Variants in NEBL observed in about 807,000 individuals in gnomAD.
NEBL encodes LIM and SH3 protein 2.
A neutral mutation model predicts 140.2 loss-of-function variants in NEBL; 122 were observed. The observed-to-expected ratio is 0.87, with a 90% confidence interval of 0.75 to 1.01. NEBL has a LOEUF of 1.01. Ranked by LOEUF, NEBL falls within the 50% of genes least tolerant of loss-of-function variation. The pLI is 0.00. For missense variants in NEBL, 1,365 were observed against 1,231.3 expected (o/e 1.11, Z -1.62); for synonymous variants, 436 against 398.9 (o/e 1.09, Z -1.11).
chr10:20,996,321 C>T (rs1307088170), intron 3 of NEBL, among the ~76,000 whole-genome samples: 1 of 152,170 alleles, frequency 6.6e-6, no homozygotes, highest in East Asian at 1.9e-4. Context: ...ATTGCCATCC[C>T]ACTCCCAAAT....
chr10:21,140,743 G>C (rs983421931), intron 2 of NEBL, among the ~76,000 whole-genome samples: 3 of 151,900 alleles, frequency 2.0e-5, no homozygotes, highest in East Asian at 1.9e-4. Flanking sequence ...AATTACAATG[G>C]GAACACATGG....
chr10:21,000,806 T>C lies in NEBL; in HGVS notation c.249+19311A>G, dbSNP rs768811755. Among the ~76,000 whole-genome samples, 7 of 151,978 alleles carry C rather than the reference T, an allele frequency of 4.6e-5. No homozygotes were observed. The South Asian group carries it at 1.5e-3, about 32-fold the overall frequency. On this transcript the variant is annotated intron_variant, in intron 3 of 6. Coordinates refer to the NEBL transcript ENST00000417816. Reference sequence around the variant, plus strand: ...TCTGGATGCTCTGCTGTTTTTGCAGTCTAAGATATGGAAGAAAGCTGATTC... The same window carrying C: ...TCTGGATGCTCTGCTGTTTTTGCAGCCTAAGATATGGAAGAAAGCTGATTC...
chr10:21,133,655 G>A (rs1271324899), intron 2 of NEBL, among the ~76,000 whole-genome samples: 2 of 152,186 alleles, frequency 1.3e-5, no homozygotes, highest in African/African-American at 4.8e-5. Context: ...TGAACACCCA[G>A]TACATATTAG....
chr10:21,063,724 G>C (rs1835400899), intron 2 of NEBL, among the ~76,000 whole-genome samples: 1 of 151,990 alleles, frequency 6.6e-6, no homozygotes, highest in Non-Finnish European at 1.5e-5. Flanking sequence ...TGAAACCCCA[G>C]TTCTACAAAA....
At chr10:21,147,707 G>A (rs930840007) in intron 2 of NEBL, among the ~76,000 whole-genome samples, 2 of 152,118 alleles carry the variant, frequency 1.3e-5, no homozygotes, top group African/African-American at 2.4e-5. Context: ...TCCACCAAGC[G>A]AGCACCTGTC....
chr10:20,868,053 A>T (rs80332707), intron 7 of NEBL: 4 of 44,674 alleles, frequency 9.0e-5, no homozygotes, highest in African/African-American at 6.4e-4. Flanking sequence ...TATCTATATT[A>T]AAAAAAAAAA....
intron 2 of NEBL, among the ~76,000 whole-genome samples, chr10:21,054,694 A>C (rs2131861152): frequency 6.6e-6 from 1 of 152,338 alleles, no homozygotes; most frequent in African/African-American, 2.4e-5. Flanking sequence ...ATTTTGAAAA[A>C]CTTATGAAAA....
chr10:20,845,878 G>A (rs1282484007), intron 11 of NEBL, among the ~76,000 whole-genome samples: 1 of 152,064 alleles, frequency 6.6e-6, no homozygotes, highest in African/African-American at 2.4e-5. Flanking sequence ...TTAGGGAGGG[G>A]GTTTCCCTTT....
At chr10:20,836,505 G>A (rs1840904469) in intron 13 of NEBL, among the ~76,000 whole-genome samples, 1 of 152,156 alleles carries the variant, frequency 6.6e-6, no homozygotes, top group Admixed American at 6.5e-5. Context: ...TTACAGGTGT[G>A]AGCCACCGCA....
chr10:20,992,580 G>A (rs1837501101), intron 3 of NEBL, among the ~76,000 whole-genome samples: 1 of 152,012 alleles, frequency 6.6e-6, no homozygotes, highest in South Asian at 2.1e-4. Flanking sequence ...AGATTTAATA[G>A]GGTCCTTGCT....
chr10:21,054,498 A>C (rs694004), intron 2 of NEBL, among the ~76,000 whole-genome samples: 59,811 of 151,636 alleles, frequency 0.39, 11,830 homozygotes, highest in Middle Eastern at 0.47. Flanking sequence ...GGCATCGGGG[A>C]ATTGTTTTTG....
intron 3 of NEBL, among the ~76,000 whole-genome samples, chr10:21,192,014 G>C (rs1191808569): frequency 6.6e-6 from 1 of 152,090 alleles, no homozygotes; most frequent in East Asian, 1.9e-4. Context: ...TCTCAAAGGG[G>C]TCCCAAGGTT....
At chr10:20,849,462 G>A (rs1043640421) in intron 11 of NEBL, among the ~76,000 whole-genome samples, 3 of 152,172 alleles carry the variant, frequency 2.0e-5, no homozygotes, top group African/African-American at 7.2e-5. Context: ...TCTAAGAGGT[G>A]ATCAGGCCAT....
intron 1 of NEBL, among the ~76,000 whole-genome samples, chr10:21,279,856 C>T (rs140070717): frequency 6.6e-6 from 1 of 152,168 alleles, no homozygotes; most frequent in East Asian, 1.9e-4. Flanking sequence ...TTGCTGCCAC[C>T]TGGTTCATAT....
intron 3 of NEBL, among the ~76,000 whole-genome samples, chr10:21,007,590 A>G (rs599087): frequency 0.096 from 14,679 of 152,246 alleles, 1,165 homozygotes; most frequent in Admixed American, 0.24. Flanking sequence ...AATATCATCC[A>G]GGCGATTGCT....
At chr10:21,194,544 A>T (rs1841620416) in intron 3 of NEBL, among the ~76,000 whole-genome samples, 1 of 152,190 alleles carries the variant, frequency 6.6e-6, no homozygotes, top group African/African-American at 2.4e-5. Context: ...TGAGAAATAC[A>T]GTGTACTCAC....
At chr10:20,809,949 G>GC in intron 24 of NEBL, 51 bp from the exon 25 acceptor site, 9 of 586,446 alleles carry the variant, frequency 1.5e-5, no homozygotes, top group East Asian at 8.2e-5. Flanking sequence ...ATTTAAAAAA[G>GC]GAAAAAAAAA....
chr10:20,944,737 A>G (rs1489551090), intron 4 of NEBL, among the ~76,000 whole-genome samples: 1 of 152,224 alleles, frequency 6.6e-6, no homozygotes, highest in Non-Finnish European at 1.5e-5. Flanking sequence ...TTGTCATTCA[A>G]TTCTAAATCA....
At chr10:21,049,462 C>A (rs1383839476) in intron 2 of NEBL, among the ~76,000 whole-genome samples, 2 of 152,056 alleles carry the variant, frequency 1.3e-5, no homozygotes, top group South Asian at 4.1e-4. Flanking sequence ...CACGTCAGAA[C>A]CAAACTCAAC....
Sources: gnomAD v4.1 joint callset for allele counts (sites outside exome capture counted in the v4.1 genomes callset) on GRCh38, gnomAD v4.1.1 for gene constraint, MANE v1.5 for transcripts, NCBI Gene and HGNC (gene_info 2026-07-23, HGNC 2026-07-21) for gene names.